Variants in RBM20 observed in about 807,000 individuals in gnomAD.
RBM20 encodes the protein RNA binding motif protein 20.
Under a neutral mutation model 110.1 loss-of-function variants are expected in RBM20, and 51 were observed. The ratio of observed to expected loss-of-function variants is 0.46; its 90% CI spans 0.37 to 0.59. The LOEUF (loss-of-function observed/expected upper bound fraction) is 0.59. Ranked by LOEUF, RBM20 falls within the 20% of genes least tolerant of loss-of-function variation. The pLI is 0.00. For synonymous variants in RBM20, 589 were observed against 618.2 expected (o/e 0.95, Z 0.70); for missense variants, 1,512 against 1,574.9 (o/e 0.96, Z 0.68).
At chr10:110,692,099 G>T (rs1024481620) in intron 1 of RBM20, among the ~76,000 whole-genome samples, 25 of 152,006 alleles carry the variant, frequency 1.6e-4, no homozygotes, top group Middle Eastern at 3.4e-3. Context: ...TTTTTTTCTG[G>T]GTTCTCTATT....
chr10:110,727,143 C>CTTTTTTT (rs57606079), intron 1 of RBM20, among the ~76,000 whole-genome samples: 3 of 80,662 alleles, frequency 3.7e-5, no homozygotes, highest in African/African-American at 5.3e-5. Flanking sequence ...TGCACCCAGC[C>CTTTTTTT]TTTTTTTTTT....
chr10:110,799,200 T>A, intron 6 of RBM20, among the ~76,000 whole-genome samples: 1 of 152,008 alleles, frequency 6.6e-6, no homozygotes, highest in East Asian at 1.9e-4. Context: ...GAGAGCAAGT[T>A]TTATAGGGAT....
chr10:110,691,785 C>T (rs1228750647), intron 1 of RBM20, among the ~76,000 whole-genome samples: 3 of 152,228 alleles, frequency 2.0e-5, no homozygotes, highest in East Asian at 1.9e-4. Flanking sequence ...TTATGAACTT[C>T]AATTTATTTC....
At chr10:110,814,147 A>G (rs931002581) in intron 9 of RBM20, among the ~76,000 whole-genome samples, 33 of 152,222 alleles carry the variant, frequency 2.2e-4, no homozygotes, top group African/African-American at 7.7e-4. Flanking sequence ...AGGAAACCAA[A>G]TCTCTACTCC....
chr10:110,709,838 G>T (rs1862898425), intron 1 of RBM20, among the ~76,000 whole-genome samples: 1 of 151,948 alleles, frequency 6.6e-6, no homozygotes, highest in Non-Finnish European at 1.5e-5. Context: ...CCCAAAGTTG[G>T]GATTACAGGC....
chr10:110,670,005 T>G (rs1590606800), intron 1 of RBM20, among the ~76,000 whole-genome samples: 1 of 152,246 alleles, frequency 6.6e-6, no homozygotes, highest in African/African-American at 2.4e-5. Context: ...TTTGCTTTGG[T>G]TTTAACCATG....
At chr10:110,652,315 A>C (rs1861961688) in intron 1 of RBM20, among the ~76,000 whole-genome samples, 1 of 152,262 alleles carries the variant, frequency 6.6e-6, no homozygotes, top group Non-Finnish European at 1.5e-5. Flanking sequence ...ACAAATGTAA[A>C]GAACATTAAC....
intron 7 of RBM20, among the ~76,000 whole-genome samples, chr10:110,801,353 G>A (rs546301942): frequency 6.4e-4 from 98 of 152,070 alleles, no homozygotes; most frequent in Middle Eastern, 3.4e-3. Flanking sequence ...CTTTAACCTG[G>A]GAGGCAGAGG....
In RBM20 at chr10:110,821,890, G is replaced by C. The variant is rs565524160; in HGVS notation, c.3271G>C (p.Glu1091Gln). 4 of 1,551,706 alleles carry C rather than the reference G, an allele frequency of 2.6e-6. No homozygotes were observed. The highest frequency in any genetic ancestry group is 3.9e-5 in the Admixed American group (2 of 51,010). Residue 1091 changes from glutamate (E) to glutamine (Q), a missense_variant, in exon 11 of 14, where the codon GAA (glutamate) becomes CAA (glutamine). Physicochemically the swap from Glu to Gln is conservative, Grantham distance 29. This residue lies in a region of RBM20 where 358 missense variants were observed against 384.2 expected (regional missense o/e 0.93). Coordinates refer to ENST00000369519, the MANE Select transcript of RBM20 (RefSeq NM_001134363.3). ...GGAGGAGAAAGCCAGCCCCCCCATC[G>C]AAACTGACCTCCAAAACCAAGCTTG... is the stretch of plus-strand genomic sequence containing the variant. ...PLEEKASPPI[E>Q]TDLQNQACQE...
intron 1 of RBM20, among the ~76,000 whole-genome samples, chr10:110,761,498 C>G (rs936196759): frequency 1.3e-5 from 2 of 152,170 alleles, no homozygotes; most frequent in East Asian, 1.9e-4. Flanking sequence ...GTACTTGGCA[C>G]TTGGGCGACT....
In RBM20 at chr10:110,835,886, G is replaced by T. The variant is rs1193263201; in HGVS notation, c.3592G>T (p.Ala1198Ser). 7.7e-6 allele frequency: 12 copies of T among 1,550,128 alleles called. No homozygotes were observed. Among genetic ancestry groups the T allele is most frequent in the Non-Finnish European group, 8.7e-6 (10 of 1,145,892 alleles). ...TCCACAGAAATATTTGTCCCAGCTG[G>T]CCGAGGAGGGCCTCAAGGAGACCGA... ...RNLQKYLSQL[A>S]EEGLKETEGA... Residue 1198 changes from alanine (A) to serine (S), a missense_variant, in exon 14 of 14, where the codon GCC (alanine) becomes TCC (serine). Around this residue, in one of 3 missense-constraint regions of RBM20, gnomAD observed 358 missense variants for 384.2 expected, o/e 0.93. Coordinates refer to ENST00000369519, the MANE Select transcript of RBM20 (RefSeq NM_001134363.3).
chr10:110,663,388 C>G (rs1385784136), intron 1 of RBM20, among the ~76,000 whole-genome samples: 1 of 152,190 alleles, frequency 6.6e-6, no homozygotes, highest in Non-Finnish European at 1.5e-5. Context: ...ATGGAATGAT[C>G]TCCAGGGCGT....
intron 1 of RBM20, among the ~76,000 whole-genome samples, chr10:110,766,525 C>T (rs1378872456): frequency 6.6e-6 from 1 of 151,806 alleles, no homozygotes; most frequent in Non-Finnish European, 1.5e-5. Flanking sequence ...GTGGTGATGA[C>T]TCTTAACGAG....
At chr10:110,682,292 A>T (rs972768450) in intron 1 of RBM20, among the ~76,000 whole-genome samples, 4 of 152,104 alleles carry the variant, frequency 2.6e-5, no homozygotes, top group African/African-American at 9.7e-5. Context: ...ACAGTACCTC[A>T]GTCTTTTCTT....
At chr10:110,667,853 T>C (rs1168324800) in intron 1 of RBM20, among the ~76,000 whole-genome samples, 1 of 152,184 alleles carries the variant, frequency 6.6e-6, no homozygotes, top group Non-Finnish European at 1.5e-5. Flanking sequence ...CTGCTCACTT[T>C]ACCCCCCATG....
chr10:110,738,992 T>A (rs1843700431), intron 1 of RBM20, among the ~76,000 whole-genome samples: 1 of 152,148 alleles, frequency 6.6e-6, no homozygotes, highest in African/African-American at 2.4e-5. Flanking sequence ...AGGAAGCATT[T>A]GAAATGGTCC....
At chr10:110,798,671 G>C (rs1048463950) in intron 6 of RBM20, among the ~76,000 whole-genome samples, 1 of 152,182 alleles carries the variant, frequency 6.6e-6, no homozygotes, top group Admixed American at 6.5e-5. Flanking sequence ...GACTATGACA[G>C]CATGGAGAAA....
chr10:110,828,044 C>T (rs747938391), intron 12 of RBM20, among the ~76,000 whole-genome samples: 1 of 152,178 alleles, frequency 6.6e-6, no homozygotes, highest in Non-Finnish European at 1.5e-5. Flanking sequence ...TGACCCTGGC[C>T]AGCGCGAGCC....
At chr10:110,685,251 A>G (rs115145661) in intron 1 of RBM20, among the ~76,000 whole-genome samples, 68 of 152,318 alleles carry the variant, frequency 4.5e-4, no homozygotes, top group African/African-American at 1.5e-3. Flanking sequence ...ATTTTATTCC[A>G]TAAGTGCTCA....
Sources: allele counts gnomAD v4.1 joint callset (sites outside exome capture counted in the v4.1 genomes callset), GRCh38; gene constraint gnomAD v4.1.1; regional missense constraint gnomAD v4.1.1; transcripts MANE v1.5; gene names NCBI Gene and HGNC (gene_info 2026-07-23, HGNC 2026-07-21).